The following RDH10 variants were observed in gnomAD, a reference collection of about 807,000 sequenced individuals.
RDH10 encodes retinol dehydrogenase 10.
RDH10 carries 12 observed loss-of-function variants against 30.2 expected under a neutral mutation model. That is an observed-to-expected ratio of 0.40 (90% CI 0.25 to 0.64). RDH10 has a LOEUF of 0.64. Among genes scored for constraint, RDH10 ranks in the 30% least tolerant of loss-of-function variants. The pLI is 0.43. For synonymous variants in RDH10, 189 were observed against 172.2 expected (o/e 1.10, Z -0.76); for missense variants, 268 against 445.2 (o/e 0.60, Z 3.58).
intron 2 of RDH10, among the ~76,000 whole-genome samples, chr8:73,315,780 G>T (rs1814652004): frequency 6.6e-6 from 1 of 152,158 alleles, no homozygotes; most frequent in Admixed American, 6.5e-5. Context: ...TTTGATATTG[G>T]ATGTAATTTC....
At chr8:73,315,815 TACTTTA>T (rs1414505556) in intron 2 of RDH10, among the ~76,000 whole-genome samples, 11 of 152,244 alleles carry the variant, frequency 7.2e-5, no homozygotes, top group Admixed American at 4.6e-4. Flanking sequence ...TGAGTCCTTA[TACTTTA>T]ACTTTTATAC....
chr8:73,299,095 TAAAC>T (rs1586186844), intron 2 of RDH10, among the ~76,000 whole-genome samples: 1 of 152,332 alleles, frequency 6.6e-6, no homozygotes, highest in East Asian at 1.9e-4. Context: ...GTTACAGGTG[TAAAC>T]CACTGCACCC....
chr8:73,309,672 A>T (rs1197743142), intron 2 of RDH10, among the ~76,000 whole-genome samples: 2 of 150,142 alleles, frequency 1.3e-5, no homozygotes, highest in Non-Finnish European at 2.9e-5. Context: ...AAATGTCATT[A>T]CAATATGAGA....
At chr8:73,295,721 G>T in intron 1 of RDH10, 143 bp downstream of exon 1, 1 of 963,572 alleles carries the variant, frequency 1.0e-6, no homozygotes, top group Non-Finnish European at 1.5e-6. Context: ...GGAGACGAGT[G>T]GAATTCGCTT....
Position 73,297,261 on chromosome 8 carries a change from G to T in RDH10, c.357G>T (p.Val119=). 6.2e-7 allele frequency: 1 copy of T among 1,614,126 alleles called. No homozygotes were observed. The highest frequency in any genetic ancestry group is 8.5e-7 in the Non-Finnish European group (1 of 1,179,960). Residue 119 remains valine, a synonymous_variant, in exon 2 of 6, where the codon GTG becomes GTT. Coordinates refer to ENST00000240285, the MANE Select transcript of RDH10 (RefSeq NM_172037.5). The stretch of plus-strand genomic sequence containing the variant: ...AGGTTTTTACCTACACCTGTGACGT[G>T]GGGAAGAGGGAGAACGTCTACCTGA... ...NLQVFTYTCD[V]GKRENVYLTA...
In RDH10 at chr8:73,319,152, A is replaced by C; in HGVS notation, c.582A>C (p.Thr194=). Residue 194 remains threonine (T), a synonymous_variant, in exon 3 of 6, where the codon ACA becomes ACC. Transcript: ENST00000240285. ...AGATTAATCATGGTCATATTGTGAC[A>C]GTTGCAAGTTCCTTGGGATTGTTCA... is the stretch of plus-strand genomic sequence containing the variant. ...MLEINHGHIV[T]VASSLGLFST... is the part of the protein sequence containing the mutation. The C allele has an allele frequency of 6.2e-7, 1 of 1,613,904 alleles. No individual in the cohort carries two copies. Among genetic ancestry groups the C allele is most frequent in the Non-Finnish European group, 8.5e-7 (1 of 1,179,792 alleles).
intron 2 of RDH10, among the ~76,000 whole-genome samples, chr8:73,298,403 T>C (rs1285858564): frequency 6.6e-6 from 1 of 152,246 alleles, no homozygotes; most frequent in East Asian, 1.9e-4. Flanking sequence ...AGCAACTGCT[T>C]AAAAACTTAA....
intron 2 of RDH10, among the ~76,000 whole-genome samples, chr8:73,309,655 A>G (rs1814529395): frequency 6.7e-6 from 1 of 150,084 alleles, no homozygotes; most frequent in Non-Finnish European, 1.5e-5. Flanking sequence ...TATATTCCAA[A>G]CCTGGAAAAT....
intron 1 of RDH10, 160 bp from the exon 2 acceptor site, chr8:73,297,034 A>G: frequency 3.3e-6 from 2 of 612,626 alleles, no homozygotes; most frequent in South Asian, 3.8e-5. Context: ...AGGCAGCTGT[A>G]AAGCTCAGTC....
chr8:73,315,610 A>G (rs1382039410), intron 2 of RDH10: 4 of 455,684 alleles, frequency 8.8e-6, no homozygotes, highest in Non-Finnish European at 1.8e-5. Flanking sequence ...TAATACCTGC[A>G]GGCAAGACCA....
intron 2 of RDH10, chr8:73,311,140 G>A (rs1814557077): frequency 6.6e-6 from 1 of 152,122 alleles, no homozygotes; most frequent in Admixed American, 6.5e-5. Context: ...AAAAATAATT[G>A]TTGAATCTAA....
intron 4 of RDH10, chr8:73,322,175 G>T (rs1367603748): frequency 5.4e-6 from 2 of 370,954 alleles, no homozygotes; most frequent in Admixed American, 3.4e-5. Flanking sequence ...AAGGTAGGAT[G>T]TCTATATACC....
intron 4 of RDH10, chr8:73,322,054 AGTG>A (rs1312777909): frequency 1.5e-5 from 7 of 452,896 alleles, no homozygotes; most frequent in Non-Finnish European, 2.7e-5. Context: ...TGTTTCCTCC[AGTG>A]TAGCATAGCA....
At chr8:73,306,031 A>C (rs1814458643) in intron 2 of RDH10, among the ~76,000 whole-genome samples, 1 of 152,268 alleles carries the variant, frequency 6.6e-6, no homozygotes, top group Non-Finnish European at 1.5e-5. Context: ...CCATATAGAC[A>C]TAATTGGAAA....
chr8:73,302,558 G>T (rs1814397997), intron 2 of RDH10, among the ~76,000 whole-genome samples: 1 of 152,144 alleles, frequency 6.6e-6, no homozygotes, highest in African/African-American at 2.4e-5. Context: ...GGTGGCACGT[G>T]CCTGTAGTCC....
chr8:73,320,067 T>C (rs2130381034), intron 3 of RDH10, among the ~76,000 whole-genome samples: 1 of 152,366 alleles, frequency 6.6e-6, no homozygotes, highest in South Asian at 2.1e-4. Flanking sequence ...TCTGTGCCTT[T>C]AGGTTAAGTT....
At chr8:73,308,480 C>T (rs1249790146) in intron 2 of RDH10, among the ~76,000 whole-genome samples, 1 of 152,164 alleles carries the variant, frequency 6.6e-6, no homozygotes, top group Non-Finnish European at 1.5e-5. Context: ...GTTCACTTGT[C>T]CAAGGTAAAG....
intron 2 of RDH10, among the ~76,000 whole-genome samples, chr8:73,318,484 C>T (rs1048799895): frequency 1.2e-4 from 19 of 152,236 alleles, no homozygotes; most frequent in African/African-American, 4.6e-4. Flanking sequence ...CTTGTCAGTG[C>T]ATAGTTGGCA....
In RDH10 at chr8:73,294,911, ACG is replaced by A. The variant is rs1232553012; in HGVS notation, c.-377_-376del. The stretch of plus-strand genomic sequence containing the variant: ...GGGAGCCGGCGCGCCGGTTCCGGGG[ACG>A]CTCGGGCGGCAGCAGCTTGGCCATG... On this transcript the variant is annotated 5_prime_UTR_variant, in exon 1 of 6. Transcript: ENST00000240285. 2.5e-6 allele frequency: 1 copy of A among 393,786 alleles called. No individual in the cohort carries two copies. Among genetic ancestry groups the A allele is most frequent in the African/African-American group, 2.1e-5 (1 of 48,192 alleles). 24.4% of individuals were successfully genotyped at this position (393,786 alleles called of 1,614,324 possible). A position where few individuals can be genotyped will look rare whatever the true frequency, so the allele number is the denominator to read the frequency against.
Sources: allele counts gnomAD v4.1 joint callset (sites outside exome capture counted in the v4.1 genomes callset), GRCh38; gene constraint gnomAD v4.1.1; transcripts MANE v1.5; gene names NCBI Gene and HGNC (gene_info 2026-07-23, HGNC 2026-07-21).